The following ASPH variants were observed in gnomAD, a reference collection of about 807,000 sequenced individuals.
ASPH encodes aspartyl/asparaginyl beta-hydroxylase.
In ASPH, 100 loss-of-function variants were observed where a neutral mutation model predicts 118.4. The ratio of observed to expected loss-of-function variants is 0.84; its 90% confidence interval spans 0.72 to 1.00. The LOEUF (loss-of-function observed/expected upper bound fraction) is 1.00. Among genes scored for constraint, ASPH ranks in the 50% least tolerant of loss-of-function variants. ASPH has a pLI of 0.00. For missense variants in ASPH, 920 were observed against 919.5 expected, an observed-to-expected ratio of 1.00 and a Z score of -0.01; for synonymous variants, 315 against 325.6, an observed-to-expected ratio of 0.97 and a Z score of 0.35.
chr8:61,609,197 G>A (rs1230701162), intron 14 of ASPH, among the ~76,000 whole-genome samples: 3 of 152,158 alleles, frequency 2.0e-5, no homozygotes, highest in Non-Finnish European at 2.9e-5. Context: ...TAGCGACGGG[G>A]CTTTCTGTGC....
At position 61,559,332 on chromosome 8, in the gene ASPH, T is replaced by C. The variant is rs145482217; in HGVS notation, c.1438-3310A>G. On this transcript the variant is annotated intron_variant, in intron 18 of 24. Coordinates refer to ENST00000379454, the MANE Select transcript of ASPH (RefSeq NM_004318.4). ...CTTCTGGTCAACAGCAGACTATCAG[T>C]AGTTAAGTTTTTGGGGAGTCAAAAT... Among the ~76,000 whole-genome samples the C allele has an allele frequency of 6.6e-3, 1,012 of 152,320 alleles. 11 individuals are homozygous for C. The highest frequency in any genetic ancestry group is 0.01 in the Middle Eastern group (3 of 294).
chr8:61,682,494 G>A (rs748813543), intron 2 of ASPH: 2 of 1,611,106 alleles, frequency 1.2e-6, no homozygotes, highest in South Asian at 1.1e-5. Context: ...CTGCATGCAT[G>A]TAAAAACATG....
intron 14 of ASPH, among the ~76,000 whole-genome samples, chr8:61,615,075 T>C (rs748498031): frequency 3.7e-4 from 56 of 152,174 alleles, no homozygotes; most frequent in Non-Finnish European, 5.9e-4. Context: ...CTGGAGGTAA[T>C]ACACAAGTTC....
chr8:61,598,055 G>A (rs1445579040), intron 14 of ASPH, among the ~76,000 whole-genome samples: 2 of 152,004 alleles, frequency 1.3e-5, no homozygotes, highest in African/African-American at 2.4e-5. Context: ...CGATAAAGGA[G>A]CAAAAAATAT....
At chr8:61,616,740 C>T (rs1849165166) in intron 14 of ASPH, among the ~76,000 whole-genome samples, 1 of 152,172 alleles carries the variant, frequency 6.6e-6, no homozygotes, top group Non-Finnish European at 1.5e-5. Flanking sequence ...TTTCCCTAAC[C>T]TCCTGGGACA....
chr8:61,620,594 A>C (rs1480049754), intron 13 of ASPH, among the ~76,000 whole-genome samples: 3 of 152,142 alleles, frequency 2.0e-5, no homozygotes, highest in Admixed American at 2.0e-4. Flanking sequence ...TAGACTATTC[A>C]ATACCATTCA....
chr8:61,534,065 A>G (rs1818586969), intron 21 of ASPH, among the ~76,000 whole-genome samples: 1 of 152,114 alleles, frequency 6.6e-6, no homozygotes, highest in African/African-American at 2.4e-5. Context: ...CTCCTGCCTC[A>G]GCCTCCTGTG....
chr8:61,676,130 TGTGAC>T, intron 3 of ASPH: 4 of 1,599,492 alleles, frequency 2.5e-6, no homozygotes, highest in Non-Finnish European at 3.4e-6. Context: ...CCCTTCATTC[TGTGAC>T]GTACCATCAA....
chr8:61,643,313 C>A (rs1806184537), intron 9 of ASPH, 73 bp downstream of exon 9: 2 of 1,441,048 alleles, frequency 1.4e-6, no homozygotes, highest in East Asian at 2.3e-5. Context: ...AGAAAAATCA[C>A]CATGTAAACA....
At chr8:61,659,520 T>C (rs1253208169) in intron 3 of ASPH, 1 of 152,198 alleles carries the variant, frequency 6.6e-6, no homozygotes, top group Non-Finnish European at 1.5e-5. Flanking sequence ...AATGAGGCAC[T>C]AAATGAGAAC....
intron 17 of ASPH, among the ~76,000 whole-genome samples, chr8:61,566,641 T>C (rs535882074): frequency 1.3e-4 from 20 of 152,226 alleles, no homozygotes; most frequent in Non-Finnish European, 2.1e-4. Flanking sequence ...GCAAACTTCA[T>C]TGTTGCCTTA....
In ASPH at chr8:61,684,107, G is replaced by T; in HGVS notation, c.185C>A (p.Ala62Glu). ...TACAGATGTCCAGACGCCCAGCAAT[G>T]CAATCACCATAAACCACGTGAAGAA... Reference protein sequence around the residue: ...TSFFTWFMVIALLGVWTSVAV... With the variant: ...TSFFTWFMVIELLGVWTSVAV... Residue 62 changes from alanine (A) to glutamate (E), a missense_variant, in exon 2 of 25, where the codon GCA (alanine) becomes GAA (glutamate). Ala to Glu is a moderately radical substitution (Grantham distance 107). Coordinates refer to ENST00000379454, the MANE Select transcript of ASPH (RefSeq NM_004318.4). 2 of 1,613,782 alleles carry T rather than the reference G, an allele frequency of 1.2e-6. No homozygotes were observed. Among genetic ancestry groups the T allele is most frequent in the Non-Finnish European group, 1.7e-6 (2 of 1,179,782 alleles).
chr8:61,670,218 G>A (rs1396680012), intron 3 of ASPH, among the ~76,000 whole-genome samples: 5 of 149,158 alleles, frequency 3.4e-5, no homozygotes, highest in South Asian at 2.1e-4. Flanking sequence ...AACAAAAAGA[G>A]AGTAAAGAAA....
At chr8:61,626,302 T>C in intron 13 of ASPH, 1 of 1,556,626 alleles carries the variant, frequency 6.4e-7, no homozygotes, top group South Asian at 1.2e-5. Flanking sequence ...AGGGGAAATC[T>C]AAATTAAAGG....
At chr8:61,641,098 G>C (rs972807255) in intron 10 of ASPH, among the ~76,000 whole-genome samples, 1 of 152,120 alleles carries the variant, frequency 6.6e-6, no homozygotes, top group Non-Finnish European at 1.5e-5. Flanking sequence ...AACAGTTTAT[G>C]TTCTATATAA....
intron 24 of ASPH, among the ~76,000 whole-genome samples, chr8:61,512,033 C>G (rs1190323947): frequency 1.3e-5 from 2 of 152,146 alleles, no homozygotes; most frequent in Non-Finnish European, 2.9e-5. Flanking sequence ...TTGAAGTGAT[C>G]ACCTTATAAG....
chr8:61,620,942 T>C (rs1850686358), intron 13 of ASPH, among the ~76,000 whole-genome samples: 2 of 152,226 alleles, frequency 1.3e-5, no homozygotes, highest in Non-Finnish European at 1.5e-5. Flanking sequence ...TCACATTCCA[T>C]ATAGAAGTGG....
intron 12 of ASPH, among the ~76,000 whole-genome samples, chr8:61,636,569 T>C (rs1428538003): frequency 2.0e-5 from 3 of 152,176 alleles, no homozygotes; most frequent in East Asian, 1.9e-4. Context: ...GGCAGGTGCA[T>C]AGCCAGGTGC....
chr8:61,625,782 C>A, intron 13 of ASPH: 1 of 985,814 alleles, frequency 1.0e-6, no homozygotes, highest in Non-Finnish European at 1.2e-6. Flanking sequence ...TAATGATGAT[C>A]TCTGTTAGCG....
Sources: allele counts gnomAD v4.1 joint callset (sites outside exome capture counted in the v4.1 genomes callset), GRCh38; gene constraint gnomAD v4.1.1; transcripts MANE v1.5; gene names NCBI Gene and HGNC (gene_info 2026-07-23, HGNC 2026-07-21).